Variants in NCKAP5 observed in about 807,000 individuals in gnomAD.
The protein encoded by NCKAP5 is nck-associated protein 5.
Under a neutral mutation model 167.0 loss-of-function variants are expected in NCKAP5, and 92 were observed. That is an observed-to-expected ratio of 0.55 (90% CI 0.47 to 0.66). NCKAP5 has a LOEUF of 0.66. Among genes scored for constraint, NCKAP5 ranks in the 30% least tolerant of loss-of-function variants. The pLI, the probability that NCKAP5 is intolerant of heterozygous loss-of-function variation, is 0.00. For missense variants in NCKAP5, 2,378 were observed against 2,315.0 expected (o/e 1.03, Z -0.56); for synonymous variants, 891 against 877.4 (o/e 1.02, Z -0.27).
At chr2:133,449,538 T>A (rs546231640) in intron 3 of NCKAP5, among the ~76,000 whole-genome samples, 1 of 152,348 alleles carries the variant, frequency 6.6e-6, no homozygotes, top group East Asian at 1.9e-4. Context: ...ATAGTTGGAC[T>A]TTTGGGTCCT....
chr2:132,965,897 T>C (rs1398905046), intron 7 of NCKAP5, among the ~76,000 whole-genome samples: 2 of 149,246 alleles, frequency 1.3e-5, no homozygotes, highest in Non-Finnish European at 2.9e-5. Flanking sequence ...ATAAGGTACA[T>C]GACTCTTTGT....
the NCKAP5 span, among the ~76,000 whole-genome samples, chr2:133,598,671 G>T: frequency 6.6e-6 from 1 of 152,158 alleles, no homozygotes; most frequent in African/African-American, 2.4e-5. Flanking sequence ...GGAAGAGATG[G>T]GGAGTCCCAA....
intron 3 of NCKAP5, among the ~76,000 whole-genome samples, chr2:133,424,488 T>C (rs1689669986): frequency 6.6e-6 from 1 of 152,332 alleles, no homozygotes; most frequent in South Asian, 2.1e-4. Context: ...CTTTTTGAAA[T>C]AGCTATCATT....
At chr2:132,697,460 C>T (rs1013020364) in intron 19 of NCKAP5, among the ~76,000 whole-genome samples, 64 of 152,314 alleles carry the variant, frequency 4.2e-4, no homozygotes, top group Admixed American at 2.3e-3. Context: ...ATTCTATTTC[C>T]TCTTGTTGAA....
At chr2:133,460,269 G>A (rs1692123275) in intron 3 of NCKAP5, among the ~76,000 whole-genome samples, 1 of 152,140 alleles carries the variant, frequency 6.6e-6, no homozygotes, top group African/African-American at 2.4e-5. Context: ...GAATCACATA[G>A]AGGGCTGAAA....
intron 16 of NCKAP5, among the ~76,000 whole-genome samples, chr2:132,750,594 T>G (rs1253191891): frequency 6.6e-6 from 1 of 152,018 alleles, no homozygotes; most frequent in Non-Finnish European, 1.5e-5. Flanking sequence ...AATAGGAGGG[T>G]AACCATGGTG....
intron 3 of NCKAP5, among the ~76,000 whole-genome samples, chr2:133,473,857 CAT>C (rs1679581442): frequency 6.6e-6 from 1 of 152,056 alleles, no homozygotes; most frequent in African/African-American, 2.4e-5. Context: ...CAAATTCAAA[CAT>C]GTATCTAGAG....
At chr2:133,585,827 T>A in the NCKAP5 span, among the ~76,000 whole-genome samples, 1 of 152,204 alleles carries the variant, frequency 6.6e-6, no homozygotes, top group Admixed American at 6.5e-5. Context: ...ATTCAAATGA[T>A]CTGTTGGACC....
the NCKAP5 span, among the ~76,000 whole-genome samples, chr2:133,650,796 C>T: frequency 6.6e-6 from 1 of 152,176 alleles, no homozygotes; most frequent in Admixed American, 6.6e-5. Context: ...GCAGGAGAAT[C>T]ACTCGAACCC....
intron 3 of NCKAP5, among the ~76,000 whole-genome samples, chr2:133,390,175 C>T (rs910493426): frequency 5.3e-5 from 8 of 152,232 alleles, no homozygotes; most frequent in African/African-American, 1.9e-4. Context: ...ACCCTCCAGG[C>T]CCACTGTGGT....
intron 9 of NCKAP5, among the ~76,000 whole-genome samples, 169 bp from the exon 10 acceptor site, chr2:132,869,143 T>C (rs550260290): frequency 1.3e-4 from 20 of 152,312 alleles, no homozygotes; most frequent in African/African-American, 4.8e-4. Flanking sequence ...TCTATCCTTC[T>C]AGGTAATATT....
intron 3 of NCKAP5, among the ~76,000 whole-genome samples, chr2:133,454,702 A>G (rs1029461298): frequency 1.3e-5 from 2 of 152,118 alleles, no homozygotes; most frequent in Non-Finnish European, 2.9e-5. Flanking sequence ...TAGATGGTTC[A>G]ACATTTCAAG....
chr2:133,355,726 T>A (rs2150838642), intron 3 of NCKAP5, among the ~76,000 whole-genome samples: 1 of 152,276 alleles, frequency 6.6e-6, no homozygotes, highest in Admixed American at 6.5e-5. Context: ...CAACTCAAAG[T>A]TCAGCTTTTC....
At chr2:132,955,365 G>A (rs1362411971) in intron 8 of NCKAP5, among the ~76,000 whole-genome samples, 1 of 152,136 alleles carries the variant, frequency 6.6e-6, no homozygotes, top group Non-Finnish European at 1.5e-5. Flanking sequence ...ATGTGGGAAG[G>A]GCCTCTGGAT....
chr2:133,549,152 A>G (rs1687036746), intron 2 of NCKAP5, among the ~76,000 whole-genome samples: 1 of 150,608 alleles, frequency 6.6e-6, no homozygotes, highest in Non-Finnish European at 1.5e-5. Context: ...ATAATGGTAA[A>G]GGGATCAATT....
chr2:133,428,865 T>C (rs1689977875), intron 3 of NCKAP5, among the ~76,000 whole-genome samples: 1 of 152,150 alleles, frequency 6.6e-6, no homozygotes, highest in African/African-American at 2.4e-5. Context: ...TAAATACTAA[T>C]AGTATCTAAA....
Position 133,250,976 on chromosome 2 carries a change from C to T in NCKAP5, c.144-37197G>A, listed in dbSNP as rs6749206. 4.0e-3 allele frequency among the ~76,000 whole-genome samples: 616 copies of T among 152,136 alleles called. 2 individuals are homozygous for T. The highest frequency in any genetic ancestry group is 0.014 in the African/African-American group (581 of 41,506). Reference sequence around the variant, plus strand: ...AACAAAAACAAGAAAAGAAAATATGCTTTCTTCTTAAAAGAGAAAGAAAAT... The same window carrying T: ...AACAAAAACAAGAAAAGAAAATATGTTTTCTTCTTAAAAGAGAAAGAAAAT... On this transcript the variant is annotated intron_variant, in intron 4 of 19. Coordinates refer to ENST00000409261, the MANE Select transcript of NCKAP5 (RefSeq NM_207363.3).
At chr2:132,986,660 G>A (rs545309172) in intron 7 of NCKAP5, among the ~76,000 whole-genome samples, 2 of 152,096 alleles carry the variant, frequency 1.3e-5, no homozygotes, top group African/African-American at 4.8e-5. Flanking sequence ...GCTATTTAAA[G>A]GAGATTTCTT....
intron 6 of NCKAP5, among the ~76,000 whole-genome samples, chr2:133,068,845 T>G (rs2080288645): frequency 6.6e-6 from 1 of 152,220 alleles, no homozygotes. Flanking sequence ...GATTCATTCT[T>G]TAGGGTTCAA....
Sources: allele counts gnomAD v4.1 joint callset (sites outside exome capture counted in the v4.1 genomes callset), GRCh38; gene constraint gnomAD v4.1.1; transcripts MANE v1.5; gene names NCBI Gene and HGNC (gene_info 2026-07-23, HGNC 2026-07-21).